MBD5: variants seen among roughly 807,000 people sequenced by gnomAD.
MBD5 encodes methyl-CpG binding domain protein 5, also known as methyl-CpG-binding domain protein 5.
In MBD5, 13 loss-of-function variants were observed where a neutral mutation model predicts 117.3. The ratio of observed to expected loss-of-function variants is 0.11; its 90% confidence interval spans 0.07 to 0.18. The LOEUF is 0.18. Among genes scored for constraint, MBD5 ranks in the 10% least tolerant of loss-of-function variants. MBD5 has a pLI of 1.00. For missense variants in MBD5, 1,879 were observed against 2,093.8 expected (o/e 0.90, Z 2.00); for synonymous variants, 727 against 766.4 (o/e 0.95, Z 0.85).
Position 148,445,244 on chromosome 2 carries a change from G to C in MBD5, c.-556-12959G>C, listed in dbSNP as rs574982252. ...GTTGGTGTGCTGCACCCATTAACTC[G>C]TCATTTACATTAGGTGTATCTCCTA... On this transcript the variant is annotated intron_variant, in intron 4 of 13. Coordinates refer to ENST00000642680, the MANE Select transcript of MBD5 (RefSeq NM_001378120.1). Among the ~76,000 whole-genome samples the C allele has an allele frequency of 1.7e-3, 254 of 150,968 alleles. 3 individuals carry two copies. The highest frequency in any genetic ancestry group is 6.8e-3 in the Middle Eastern group (2 of 294).
At chr2:148,437,946 C>T (rs1380331239) in intron 4 of MBD5, among the ~76,000 whole-genome samples, 1 of 152,014 alleles carries the variant, frequency 6.6e-6, no homozygotes, top group African/African-American at 2.4e-5. Context: ...TGGTTTTTAT[C>T]TTTTAGAAAT....
At chr2:148,249,314 C>T (rs181766616) in intron 3 of MBD5, among the ~76,000 whole-genome samples, 1 of 152,094 alleles carries the variant, frequency 6.6e-6, no homozygotes, top group Non-Finnish European at 1.5e-5. Context: ...TTCCAATAAC[C>T]CTTTGTTTCT....
chr2:148,235,466 A>G (rs1700072057), intron 3 of MBD5, among the ~76,000 whole-genome samples: 1 of 152,180 alleles, frequency 6.6e-6, no homozygotes, highest in African/African-American at 2.4e-5. Context: ...CATGTAATTA[A>G]TAAGCCACAG....
chr2:148,387,585 G>A (rs1010171538), intron 4 of MBD5, among the ~76,000 whole-genome samples: 1 of 151,862 alleles, frequency 6.6e-6, no homozygotes, highest in Admixed American at 6.6e-5. Context: ...AAATAAAACT[G>A]CCTTCATTTG....
rs1706642629 is a variant in MBD5 at position 148,448,853 on chromosome 2, C to T, written c.-556-9350C>T. On this transcript the variant is annotated intron_variant, in intron 4 of 13. Transcript: ENST00000642680. ...GAGTAGACAAAACAGTAGTAATGCA[C>T]AGATAAGATGTGAAAATTACCCCCC... Among the ~76,000 whole-genome samples, 2 of 151,920 alleles carry T rather than the reference C, an allele frequency of 1.3e-5. 1 individual carries two copies. The highest frequency in any genetic ancestry group is 4.1e-4 in the South Asian group (2 of 4,820).
chr2:148,281,178 G>A (rs1701236717), intron 3 of MBD5, among the ~76,000 whole-genome samples: 1 of 152,070 alleles, frequency 6.6e-6, no homozygotes, highest in South Asian at 2.1e-4. Flanking sequence ...ATTCTTATCT[G>A]CTATGCCTTC....
At chr2:148,318,845 A>G (rs1049540355) in intron 3 of MBD5, among the ~76,000 whole-genome samples, 5 of 152,094 alleles carry the variant, frequency 3.3e-5, no homozygotes, top group African/African-American at 1.2e-4. Context: ...CCACCCTAGT[A>G]GCTGGGATTA....
intron 1 of MBD5, among the ~76,000 whole-genome samples, chr2:148,103,922 G>A (rs1696299448): frequency 6.6e-6 from 1 of 152,040 alleles, no homozygotes; most frequent in South Asian, 2.1e-4. Flanking sequence ...AATTTTTATA[G>A]CAAGTACCAT....
chr2:148,327,818 G>A (rs982923835), intron 3 of MBD5, among the ~76,000 whole-genome samples: 5 of 152,116 alleles, frequency 3.3e-5, no homozygotes, highest in African/African-American at 7.2e-5. Flanking sequence ...TAATTTGATC[G>A]TCTGAAGCCT....
intron 1 of MBD5, among the ~76,000 whole-genome samples, chr2:148,028,962 C>T (rs1053982641): frequency 6.6e-6 from 1 of 152,046 alleles, no homozygotes; most frequent in African/African-American, 2.4e-5. Context: ...TTTGTTTATG[C>T]TTCCCATCTC....
At chr2:148,500,948 T>A (rs1420735288) in intron 11 of MBD5, among the ~76,000 whole-genome samples, 1 of 152,220 alleles carries the variant, frequency 6.6e-6, no homozygotes, top group Admixed American at 6.5e-5. Context: ...TAGCTCACTT[T>A]AGCTTTTCCA....
chr2:148,194,778 TA>T (rs10545114), intron 2 of MBD5, among the ~76,000 whole-genome samples: 70,357 of 129,912 alleles, frequency 0.54, 17,834 homozygotes, highest in Middle Eastern at 0.7. Context: ...AAAAAAAAAT[TA>T]AAAAAAAAAA....
At chr2:148,218,151 C>T (rs890048432) in intron 2 of MBD5, among the ~76,000 whole-genome samples, 3 of 152,100 alleles carry the variant, frequency 2.0e-5, no homozygotes, top group African/African-American at 7.2e-5. Flanking sequence ...AAGCCCTTGA[C>T]CAGACTTGCA....
chr2:148,081,187 A>G (rs1695638949), intron 1 of MBD5, among the ~76,000 whole-genome samples: 1 of 152,148 alleles, frequency 6.6e-6, no homozygotes, highest in East Asian at 1.9e-4. Context: ...GTCTAAATAA[A>G]TGTTAACTTG....
intron 1 of MBD5, among the ~76,000 whole-genome samples, chr2:148,108,039 T>C (rs1221591754): frequency 6.6e-6 from 1 of 151,654 alleles, no homozygotes; most frequent in Non-Finnish European, 1.5e-5. Context: ...GGCTCTCTTG[T>C]GGTTACAAAT....
intron 1 of MBD5, chr2:148,053,901 T>C (rs1289432221): frequency 7.7e-6 from 1 of 129,644 alleles, no homozygotes; most frequent in Non-Finnish European, 1.7e-5. Context: ...TATCTTTCTT[T>C]CTTTTTTTCT....
chr2:148,214,455 A>G (rs1186486606), intron 2 of MBD5, among the ~76,000 whole-genome samples: 1 of 152,156 alleles, frequency 6.6e-6, no homozygotes, highest in Non-Finnish European at 1.5e-5. Context: ...GATTGGACTT[A>G]CTCCATGGGC....
At chr2:148,155,665 C>A (rs1222033440) in intron 1 of MBD5, among the ~76,000 whole-genome samples, 5 of 152,174 alleles carry the variant, frequency 3.3e-5, no homozygotes, top group Non-Finnish European at 5.9e-5. Flanking sequence ...ATGCCGTATT[C>A]AACACTCATT....
chr2:148,213,129 C>A (rs943322978), intron 2 of MBD5, among the ~76,000 whole-genome samples: 1 of 152,098 alleles, frequency 6.6e-6, no homozygotes, highest in African/African-American at 2.4e-5. Flanking sequence ...TAGTGGCTGG[C>A]AAAGAGTTGT....
Sources: allele counts gnomAD v4.1 joint callset (sites outside exome capture counted in the v4.1 genomes callset), GRCh38; gene constraint gnomAD v4.1.1; transcripts MANE v1.5; gene names NCBI Gene and HGNC (gene_info 2026-07-23, HGNC 2026-07-21).